PTPRD: variants seen among roughly 807,000 people sequenced by gnomAD.
PTPRD encodes the protein protein tyrosine phosphatase receptor type D.
In PTPRD, 34 loss-of-function variants were observed where a neutral mutation model predicts 214.5. The ratio of observed to expected loss-of-function variants is 0.16; its 90% CI spans 0.12 to 0.21. The LOEUF (loss-of-function observed/expected upper bound fraction) is 0.21, where lower values mean the gene tolerates loss of function less well. Among genes scored for constraint, PTPRD ranks in the 10% least tolerant of loss-of-function variants. PTPRD has a pLI of 1.00. For synonymous variants in PTPRD, 1,128 were observed against 845.7 expected, an observed-to-expected ratio of 1.33 and a Z score of -5.79; for missense variants, 2,545 against 2,398.7, an observed-to-expected ratio of 1.06 and a Z score of -1.27.
chr9:9,996,625 G>A (rs573943510), intron 4 of PTPRD, among the ~76,000 whole-genome samples: 1 of 152,314 alleles, frequency 6.6e-6, no homozygotes, highest in Non-Finnish European at 1.5e-5. Flanking sequence ...AAGTATTGAA[G>A]TTGTGCTGTA....
intron 11 of PTPRD, among the ~76,000 whole-genome samples, chr9:8,939,314 TTTTA>T (rs2099016843): frequency 6.6e-6 from 1 of 152,140 alleles, no homozygotes; most frequent in Admixed American, 6.6e-5. Flanking sequence ...CCTAGAACAT[TTTTA>T]AAGACTCTGG....
At chr9:8,423,777 T>C (rs573084555) in intron 35 of PTPRD, among the ~76,000 whole-genome samples, 3 of 152,174 alleles carry the variant, frequency 2.0e-5, no homozygotes, top group African/African-American at 7.2e-5. Context: ...CCTGTGAGAG[T>C]TAAGGCTGAG....
chr9:10,036,743 C>G (rs959250617), intron 3 of PTPRD, among the ~76,000 whole-genome samples: 10 of 151,870 alleles, frequency 6.6e-5, no homozygotes, highest in African/African-American at 2.4e-4. Context: ...GCCACCACAC[C>G]CCACTAATTT....
intron 2 of PTPRD, among the ~76,000 whole-genome samples, chr9:10,591,122 C>T (rs2075334711): frequency 6.6e-6 from 1 of 151,880 alleles, no homozygotes; most frequent in South Asian, 2.1e-4. Context: ...GATGCTCACA[C>T]TTCCTTATTT....
intron 9 of PTPRD, among the ~76,000 whole-genome samples, chr9:9,231,453 T>A (rs2099963044): frequency 6.6e-6 from 1 of 152,248 alleles, no homozygotes; most frequent in East Asian, 1.9e-4. Flanking sequence ...AATGGAAGAA[T>A]TAAAGGGTTT....
chr9:9,132,938 C>G (rs1277721321), intron 10 of PTPRD, among the ~76,000 whole-genome samples: 2 of 152,156 alleles, frequency 1.3e-5, no homozygotes, highest in Non-Finnish European at 2.9e-5. Flanking sequence ...AAGTTATATT[C>G]ATTTGCATAT....
Position 8,362,161 on chromosome 9 carries a change from G to A in PTPRD, c.4661+13775C>T, listed in dbSNP as rs541547682. ...TTATTATCTCAGATTTTAAAGATGT[G>A]TTTATTCCTAAGCCTTTAGAAAATA... On this transcript the variant is annotated intron_variant, in intron 39 of 45. Coordinates refer to ENST00000381196, the MANE Select transcript of PTPRD (RefSeq NM_002839.4). Among the ~76,000 whole-genome samples the A allele has an allele frequency of 1.1e-3, 167 of 152,334 alleles. 1 individual carries two copies. In the Middle Eastern group the frequency reaches 0.027, roughly 25 times the overall value.
intron 8 of PTPRD, among the ~76,000 whole-genome samples, chr9:9,486,043 T>C (rs991221711): frequency 9.3e-5 from 14 of 150,116 alleles, no homozygotes; most frequent in African/African-American, 1.7e-4. Flanking sequence ...CCCAGCTACT[T>C]GGGAGGCTGA....
chr9:9,893,376 A>T lies in PTPRD; in HGVS notation c.-368+45131T>A, dbSNP rs145667226. 2.7e-3 allele frequency among the ~76,000 whole-genome samples: 412 copies of T among 152,216 alleles called. 3 individuals are homozygous for T. Among genetic ancestry groups the T allele is most frequent in the African/African-American group, 9.6e-3 (398 of 41,566 alleles). On this transcript the variant is annotated intron_variant, in intron 5 of 45. Transcript: ENST00000381196. ...AAGAGCCATTGGTATGCTGTCTTCA[A>T]GAGACTCATCTCACATGCAATGACA...
intron 9 of PTPRD, among the ~76,000 whole-genome samples, chr9:9,198,986 T>C (rs2099940298): frequency 6.6e-6 from 1 of 152,146 alleles, no homozygotes; most frequent in Admixed American, 6.6e-5. Context: ...GGCAGGAAGA[T>C]ATAACTTATG....
intron 5 of PTPRD, among the ~76,000 whole-genome samples, chr9:9,937,517 T>C (rs2089982222): frequency 6.6e-6 from 1 of 152,032 alleles, no homozygotes; most frequent in Non-Finnish European, 1.5e-5. Context: ...TTTATGACTA[T>C]AAAAACATAA....
At chr9:9,313,692 G>T in intron 9 of PTPRD, among the ~76,000 whole-genome samples, 1 of 152,134 alleles carries the variant, frequency 6.6e-6, no homozygotes, top group Non-Finnish European at 1.5e-5. Flanking sequence ...CAGAGAAGGT[G>T]TTTACATTAT....
chr9:8,689,138 T>A (rs1039963495), intron 12 of PTPRD, among the ~76,000 whole-genome samples: 2 of 152,142 alleles, frequency 1.3e-5, no homozygotes, highest in African/African-American at 4.8e-5. Flanking sequence ...CTGAGAATCA[T>A]CCTTACAAAA....
At chr9:9,059,427 T>C (rs2099703164) in intron 10 of PTPRD, among the ~76,000 whole-genome samples, 1 of 152,020 alleles carries the variant, frequency 6.6e-6, no homozygotes, top group Non-Finnish European at 1.5e-5. Flanking sequence ...AGGTTAAGGA[T>C]ATAGACAAAG....
At chr9:10,204,509 T>C (rs1237471251) in intron 3 of PTPRD, among the ~76,000 whole-genome samples, 3 of 152,176 alleles carry the variant, frequency 2.0e-5, no homozygotes, top group Admixed American at 2.0e-4. Context: ...GCATTAAATA[T>C]TTGTTGAACA....
intron 2 of PTPRD, among the ~76,000 whole-genome samples, chr9:10,544,123 T>C (rs1359224506): frequency 7.9e-5 from 12 of 152,164 alleles, no homozygotes; most frequent in Admixed American, 7.9e-4. Context: ...CTTCCCTACT[T>C]TATAAGTAGG....
At chr9:9,774,808 T>C (rs2039846285) in intron 5 of PTPRD, among the ~76,000 whole-genome samples, 1 of 152,236 alleles carries the variant, frequency 6.6e-6, no homozygotes, top group African/African-American at 2.4e-5. Context: ...TTTGTTAACA[T>C]ATTGTAAACC....
At chr9:8,928,833 T>A (rs80029379) in intron 11 of PTPRD, among the ~76,000 whole-genome samples, 1 of 152,152 alleles carries the variant, frequency 6.6e-6, no homozygotes, top group South Asian at 2.1e-4. Context: ...GGATGGAATG[T>A]TTTTCCATTT....
intron 9 of PTPRD, among the ~76,000 whole-genome samples, chr9:9,269,531 A>T (rs1941882618): frequency 1.3e-5 from 2 of 151,442 alleles, no homozygotes; most frequent in African/African-American, 4.8e-5. Context: ...TAAAATTGAG[A>T]TCTCAGAGAA....
Sources: allele counts gnomAD v4.1 joint callset (sites outside exome capture counted in the v4.1 genomes callset), GRCh38; gene constraint gnomAD v4.1.1; transcripts MANE v1.5; gene names NCBI Gene and HGNC (gene_info 2026-07-23, HGNC 2026-07-21).